Variants in PRKN observed in about 807,000 individuals in gnomAD.
PRKN encodes parkin RBR E3 ubiquitin protein ligase.
PRKN carries 56 observed loss-of-function variants against 59.5 expected under a neutral mutation model. The ratio of observed to expected loss-of-function variants is 0.94; its 90% confidence interval spans 0.76 to 1.18. The LOEUF (loss-of-function observed/expected upper bound fraction) is 1.18, where lower values mean the gene tolerates loss of function less well. Among genes scored for constraint, PRKN ranks in the 50% most tolerant of loss-of-function variants. The pLI is 0.00. For synonymous variants in PRKN, 250 were observed against 222.1 expected (o/e 1.13, Z -1.12); for missense variants, 657 against 596.4 (o/e 1.10, Z -1.06).
chr6:162,261,240 A>G (rs1779874419), intron 3 of PRKN, among the ~76,000 whole-genome samples: 1 of 152,164 alleles, frequency 6.6e-6, no homozygotes, highest in African/African-American at 2.4e-5. Flanking sequence ...TCCTTGGTAG[A>G]TATAAATTTC....
At chr6:161,443,349 A>G (rs2115095610) in intron 9 of PRKN, among the ~76,000 whole-genome samples, 1 of 151,478 alleles carries the variant, frequency 6.6e-6, no homozygotes, top group South Asian at 2.1e-4. Context: ...AGTTCCTCCA[A>G]CACGCGTGGT....
chr6:161,905,457 T>G (rs2128235944), intron 6 of PRKN, among the ~76,000 whole-genome samples: 1 of 152,250 alleles, frequency 6.6e-6, no homozygotes, highest in South Asian at 2.1e-4. Context: ...GTGTCAAAGC[T>G]GCCTTTCCTT....
chr6:161,952,848 T>C (rs1286846708), intron 6 of PRKN, among the ~76,000 whole-genome samples: 1 of 152,182 alleles, frequency 6.6e-6, no homozygotes, highest in African/African-American at 2.4e-5. Context: ...GTTGGATCTT[T>C]TTAGCATTCC....
chr6:162,206,442 C>T (rs922355421), intron 3 of PRKN, among the ~76,000 whole-genome samples: 11 of 152,178 alleles, frequency 7.2e-5, no homozygotes, highest in African/African-American at 2.7e-4. Context: ...AGCCTTTGTC[C>T]AAAGCCCCCC....
At chr6:162,364,962 C>CCT (rs537201683) in intron 2 of PRKN, among the ~76,000 whole-genome samples, 166 of 143,884 alleles carry the variant, frequency 1.2e-3, no homozygotes, top group Non-Finnish European at 1.9e-3. Context: ...CTCTCTTCTC[C>CCT]CTCTCTCTCT....
At chr6:161,507,969 C>T (rs1176839079) in intron 9 of PRKN, among the ~76,000 whole-genome samples, 2 of 152,140 alleles carry the variant, frequency 1.3e-5, no homozygotes, top group African/African-American at 2.4e-5. Flanking sequence ...CCTTTTCTGA[C>T]ACATGGGAAT....
At chr6:161,438,375 G>A (rs1011348928) in intron 9 of PRKN, among the ~76,000 whole-genome samples, 4 of 151,690 alleles carry the variant, frequency 2.6e-5, no homozygotes, top group African/African-American at 4.8e-5. Context: ...ACACCACCAC[G>A]CCCAGCTATT....
At chr6:162,021,915 T>C (rs1345756289) in intron 5 of PRKN, among the ~76,000 whole-genome samples, 1 of 152,196 alleles carries the variant, frequency 6.6e-6, no homozygotes, top group Non-Finnish European at 1.5e-5. Flanking sequence ...ACCCATCGTT[T>C]AGTTCCCACT....
intron 1 of PRKN, among the ~76,000 whole-genome samples, chr6:162,611,591 CAAG>C (rs1385638359): frequency 2.0e-5 from 3 of 152,114 alleles, no homozygotes; most frequent in African/African-American, 4.8e-5. Context: ...CATTGTATTT[CAAG>C]AAGGACACAC....
At chr6:162,302,797 CA>C (rs1288536344) in intron 2 of PRKN, among the ~76,000 whole-genome samples, 1 of 152,080 alleles carries the variant, frequency 6.6e-6, no homozygotes, top group Non-Finnish European at 1.5e-5. Context: ...AGTTGTTACA[CA>C]GCCATAGAAA....
At chr6:162,042,731 G>A (rs1784112450) in intron 5 of PRKN, among the ~76,000 whole-genome samples, 1 of 152,108 alleles carries the variant, frequency 6.6e-6, no homozygotes, top group Non-Finnish European at 1.5e-5. Flanking sequence ...TCTCTAAAGT[G>A]TCTTCATATA....
intron 6 of PRKN, among the ~76,000 whole-genome samples, chr6:161,930,699 G>A (rs1779140974): frequency 6.6e-6 from 1 of 152,208 alleles, no homozygotes; most frequent in Non-Finnish European, 1.5e-5. Context: ...ATGGCAAGGG[G>A]AAATCAAAGT....
chr6:162,381,951 A>G (rs1427748477), intron 2 of PRKN, among the ~76,000 whole-genome samples: 2 of 152,136 alleles, frequency 1.3e-5, no homozygotes, highest in East Asian at 3.9e-4. Flanking sequence ...ACACAGCACA[A>G]TTGCAGATCA....
chr6:162,479,339 C>A (rs112610785), intron 1 of PRKN, among the ~76,000 whole-genome samples: 40 of 152,096 alleles, frequency 2.6e-4, no homozygotes, highest in African/African-American at 9.4e-4. Flanking sequence ...GATTCTCCTG[C>A]CTCAGTCTCC....
At chr6:162,164,959 AC>A (rs1274532356) in intron 4 of PRKN, among the ~76,000 whole-genome samples, 1 of 148,910 alleles carries the variant, frequency 6.7e-6, no homozygotes, top group Admixed American at 6.7e-5. Flanking sequence ...TGCCAAATGT[AC>A]CATGTCTAAA....
Position 162,010,359 on chromosome 6 carries a change from T to C in PRKN, c.619-36942A>G, listed in dbSNP as rs1277558805. Among the ~76,000 whole-genome samples, 27 of 118,334 alleles carry C rather than the reference T, an allele frequency of 2.3e-4. 1 individual carries two copies. The East Asian group carries it at 5.8e-3, about 26-fold the overall frequency. 77.6% of individuals were successfully genotyped at this position (118,334 alleles called of 152,430 possible). A position where few individuals can be genotyped will look rare whatever the true frequency, so the allele number is the denominator to read the frequency against. On this transcript the variant is annotated intron_variant, in intron 5 of 11. Transcript: ENST00000366898. ...ATATATAAATAATATACATTTATTA[T>C]ATGTAATATACATTTATAATATATA...
intron 7 of PRKN, among the ~76,000 whole-genome samples, chr6:161,730,245 A>G (rs891223656): frequency 3.8e-5 from 5 of 130,296 alleles, no homozygotes; most frequent in African/African-American, 1.6e-4. Context: ...GATATGTTGC[A>G]GTCTGATGTG....
intron 6 of PRKN, among the ~76,000 whole-genome samples, chr6:161,874,132 AT>A (rs1794493696): frequency 2.6e-5 from 2 of 76,886 alleles, no homozygotes; most frequent in African/African-American, 1.2e-4. Flanking sequence ...TATAATATAT[AT>A]TATATGTAAA....
intron 7 of PRKN, among the ~76,000 whole-genome samples, chr6:161,756,455 A>G (rs867021931): frequency 1.3e-5 from 2 of 151,056 alleles, no homozygotes; most frequent in Non-Finnish European, 2.9e-5. Context: ...AAAAAAAAAA[A>G]AAAAAAAAAA....
Sources: gnomAD v4.1 joint callset for allele counts (sites outside exome capture counted in the v4.1 genomes callset) on GRCh38, gnomAD v4.1.1 for gene constraint, MANE v1.5 for transcripts, NCBI Gene and HGNC (gene_info 2026-07-23, HGNC 2026-07-21) for gene names.